SCTR: variants seen among roughly 807,000 people sequenced by gnomAD.
SCTR encodes pancreatic secretin receptor.
In SCTR, 56 loss-of-function variants were observed where a neutral mutation model predicts 60.8. That is an observed-to-expected ratio of 0.92 (90% CI 0.74 to 1.15). SCTR has a LOEUF of 1.15. Among genes scored for constraint, SCTR ranks in the 50% most tolerant of loss-of-function variants. SCTR has a pLI of 0.00. For missense variants in SCTR, 562 were observed against 550.4 expected (o/e 1.02, Z -0.21); for synonymous variants, 202 against 217.0 (o/e 0.93, Z 0.61).
At chr2:119,444,321 A>G (rs1682794789) in intron 11 of SCTR, among the ~76,000 whole-genome samples, 2 of 146,584 alleles carry the variant, frequency 1.4e-5, no homozygotes, top group Non-Finnish European at 3.0e-5. Context: ...ATACACATAT[A>G]TACGTATGAA....
intron 9 of SCTR, among the ~76,000 whole-genome samples, chr2:119,450,047 G>GA (rs202085845): frequency 8.5e-6 from 1 of 117,058 alleles, no homozygotes; most frequent in African/African-American, 3.5e-5. Context: ...AAGGAAGAAA[G>GA]AAAAAAGAAA....
chr2:119,522,883 C>A (rs1443719088), intron 1 of SCTR, among the ~76,000 whole-genome samples: 1 of 152,192 alleles, frequency 6.6e-6, no homozygotes, highest in African/African-American at 2.4e-5. Flanking sequence ...GCTCTAGCGT[C>A]TTCCAAGGCC....
At chr2:119,455,514 G>A (rs575569912) in intron 7 of SCTR, among the ~76,000 whole-genome samples, 5 of 152,324 alleles carry the variant, frequency 3.3e-5, no homozygotes, top group African/African-American at 7.2e-5. Flanking sequence ...GAACGCCATC[G>A]GAGAGATAAA....
chr2:119,481,776 A>G (rs1020449169), intron 2 of SCTR, among the ~76,000 whole-genome samples: 5 of 152,222 alleles, frequency 3.3e-5, no homozygotes, highest in African/African-American at 1.2e-4. Flanking sequence ...AACACAGCAG[A>G]TGAACAAATG....
chr2:119,450,025 C>CAGGA (rs770982398), intron 9 of SCTR, among the ~76,000 whole-genome samples: 5 of 102,056 alleles, frequency 4.9e-5, no homozygotes, highest in South Asian at 3.1e-4. Flanking sequence ...GGAAGGAAGG[C>CAGGA]AGGAAGGAAG....
At position 119,524,222 on chromosome 2, in the gene SCTR, C is replaced by T. The variant is rs575270241; in HGVS notation, c.5G>A (p.Arg2His). M[R>H]PHLSPPLQQL... ...CTGCAGCGGCGGCGACAGGTGGGGA[C>T]GCATGGTGCCCGCACGTTCCCCGAG... Residue 2 changes from arginine to histidine, a missense_variant, in exon 1 of 13, where the codon CGT becomes CAT. Arg to His is a conservative substitution (Grantham distance 29). Coordinates refer to ENST00000019103, the MANE Select transcript of SCTR (RefSeq NM_002980.3). 2 of 1,499,588 alleles carry T rather than the reference C, an allele frequency of 1.3e-6. No individual in the cohort carries two copies. The highest frequency in any genetic ancestry group is 2.5e-5 in the South Asian group (2 of 79,548). 92.9% of individuals were successfully genotyped at this position (1,499,588 alleles called of 1,614,324 possible).
intron 1 of SCTR, among the ~76,000 whole-genome samples, chr2:119,500,305 C>G (rs1678500727): frequency 6.6e-6 from 1 of 152,106 alleles, no homozygotes; most frequent in African/African-American, 2.4e-5. Flanking sequence ...TTATGGAAAA[C>G]AGTATGGAGG....
chr2:119,495,871 T>C (rs1678327434), intron 1 of SCTR, among the ~76,000 whole-genome samples: 1 of 152,214 alleles, frequency 6.6e-6, no homozygotes, highest in Non-Finnish European at 1.5e-5. Flanking sequence ...CAGCCAGCTC[T>C]AGGATCATAG....
intron 1 of SCTR, among the ~76,000 whole-genome samples, chr2:119,515,828 T>C (rs1679095456): frequency 6.6e-6 from 1 of 152,208 alleles, no homozygotes; most frequent in Non-Finnish European, 1.5e-5. Flanking sequence ...TGCATGCCTC[T>C]AAGATGTGTT....
At chr2:119,453,242 G>C in intron 8 of SCTR, 45 bp downstream of exon 8, 1 of 1,418,074 alleles carries the variant, frequency 7.1e-7, no homozygotes, top group Non-Finnish European at 1.0e-6. Context: ...TGAAAAGCTG[G>C]ACGATGTCAG....
Position 119,453,367 on chromosome 2 carries a change from G to C in SCTR, c.791-20C>G. The C allele has an allele frequency of 6.2e-7, 1 of 1,603,292 alleles. No individual in the cohort carries two copies. Among genetic ancestry groups the C allele is most frequent in the Non-Finnish European group, 8.5e-7 (1 of 1,170,404 alleles). On this transcript the variant is annotated intron_variant, in intron 7 of 12. Transcript: ENST00000019103. ...GAGAACCTGAGGATTAAAAACAAAG[G>C]GAGGGGCAGAAGAGAGAGGACTCAA...
At chr2:119,496,904 T>C (rs906068562) in intron 1 of SCTR, among the ~76,000 whole-genome samples, 3 of 151,774 alleles carry the variant, frequency 2.0e-5, no homozygotes, top group African/African-American at 7.3e-5. Flanking sequence ...CCAGCCTTGG[T>C]GATGTTAGGA....
rs542507075 is a variant in SCTR, at chr2:119,477,490, G to A, written c.301+1321C>T. Among the ~76,000 whole-genome samples, 53 of 152,006 alleles carry A rather than the reference G, an allele frequency of 3.5e-4. No individual in the cohort carries two copies. In the Middle Eastern group the frequency reaches 0.014, roughly 39 times the overall value. ...GTTTGTGACAGAGTCTCACTCTGTC[G>A]CCCAGGCTGGGGTGCAGTGGCACGA... On this transcript the variant is annotated intron_variant, in intron 3 of 12. Transcript: ENST00000019103.
intron 3 of SCTR, among the ~76,000 whole-genome samples, chr2:119,474,788 C>T (rs1457360366): frequency 6.6e-6 from 1 of 152,234 alleles, no homozygotes; most frequent in Non-Finnish European, 1.5e-5. Flanking sequence ...TATGCTATCA[C>T]TGTTCTACCC....
At chr2:119,447,332 C>T (rs1682972024) in intron 10 of SCTR, among the ~76,000 whole-genome samples, 1 of 152,128 alleles carries the variant, frequency 6.6e-6, no homozygotes, top group African/African-American at 2.4e-5. Context: ...TACAGAATCC[C>T]CAGTTAAATC....
At chr2:119,518,423 G>A (rs1180460620) in intron 1 of SCTR, among the ~76,000 whole-genome samples, 1 of 148,070 alleles carries the variant, frequency 6.8e-6, no homozygotes, top group Non-Finnish European at 1.5e-5. Flanking sequence ...AGCCTCAGGT[G>A]AGGGAAGTGG....
At chr2:119,471,637 G>A (rs1387965863) in intron 4 of SCTR, among the ~76,000 whole-genome samples, 3 of 152,094 alleles carry the variant, frequency 2.0e-5, no homozygotes, top group African/African-American at 4.8e-5. Context: ...CTCTCCACCC[G>A]TGCTTTCTCC....
At chr2:119,474,302 A>G (rs528746138) in intron 3 of SCTR, among the ~76,000 whole-genome samples, 42 of 152,318 alleles carry the variant, frequency 2.8e-4, no homozygotes, top group African/African-American at 9.9e-4. Context: ...GGGGATAAAG[A>G]GCCTGCCCTG....
chr2:119,501,453 G>T, intron 1 of SCTR, among the ~76,000 whole-genome samples: 1 of 152,008 alleles, frequency 6.6e-6, no homozygotes, highest in Non-Finnish European at 1.5e-5. Context: ...GAATAGAATG[G>T]TGTTTACCAC....
Sources: gnomAD v4.1 joint callset for allele counts (sites outside exome capture counted in the v4.1 genomes callset) on GRCh38, gnomAD v4.1.1 for gene constraint, MANE v1.5 for transcripts, NCBI Gene and HGNC (gene_info 2026-07-23, HGNC 2026-07-21) for gene names.